PKHD1: variants seen among roughly 807,000 people sequenced by gnomAD.
The protein encoded by PKHD1 is PKHD1 ciliary IPT domain containing fibrocystin/polyductin.
PKHD1 carries 291 observed loss-of-function variants against 412.0 expected under a neutral mutation model. The ratio of observed to expected loss-of-function variants is 0.71; its 90% CI spans 0.64 to 0.78. The LOEUF is 0.78. PKHD1 is among the 30% of genes least tolerant of loss of function. PKHD1 has a pLI of 0.00. For missense variants in PKHD1, 4,825 were observed against 4,950.7 expected, an observed-to-expected ratio of 0.97 and a Z score of 0.76; for synonymous variants, 1,777 against 1,821.5, an observed-to-expected ratio of 0.98 and a Z score of 0.62.
intron 39 of PKHD1, 90 bp from the exon 40 acceptor site, chr6:51,909,564 G>A (rs769877220): frequency 6.6e-5 from 62 of 942,106 alleles, no homozygotes; most frequent in Middle Eastern, 4.2e-4. Flanking sequence ...TGTCAGCACC[G>A]AGGAAAAACC....
chr6:51,912,612 T>C, intron 37 of PKHD1, 36 bp from the exon 38 acceptor site: 1 of 1,297,138 alleles, frequency 7.7e-7, no homozygotes, highest in Non-Finnish European at 1.1e-6. Flanking sequence ...CCAGATAATT[T>C]AATCATTAAT....
At chr6:51,641,109 C>T (rs925883873) in intron 63 of PKHD1, among the ~76,000 whole-genome samples, 2 of 152,162 alleles carry the variant, frequency 1.3e-5, no homozygotes, top group Non-Finnish European at 2.9e-5. Flanking sequence ...TCAAGAGAAA[C>T]TTTCAATCAC....
chr6:51,658,460 T>C (rs1233825918), intron 61 of PKHD1, among the ~76,000 whole-genome samples: 1 of 152,144 alleles, frequency 6.6e-6, no homozygotes, highest in Non-Finnish European at 1.5e-5. Flanking sequence ...TTTATTTAAG[T>C]TCTACCAAAT....
chr6:51,915,668 A>G (rs1165540406), intron 37 of PKHD1, among the ~76,000 whole-genome samples: 1 of 151,946 alleles, frequency 6.6e-6, no homozygotes, highest in African/African-American at 2.4e-5. Context: ...GGGGTTTTAA[A>G]TGAAAGCCCA....
At chr6:52,030,915 T>C (rs1802945056) in intron 29 of PKHD1, among the ~76,000 whole-genome samples, 1 of 152,162 alleles carries the variant, frequency 6.6e-6, no homozygotes, top group Admixed American at 6.5e-5. Context: ...AACAAGTGGA[T>C]GTGTAAAAGT....
chr6:52,004,057 T>C (rs1798760816), intron 35 of PKHD1, among the ~76,000 whole-genome samples: 2 of 152,200 alleles, frequency 1.3e-5, no homozygotes. Context: ...TAGAAAATCT[T>C]TGCATATTTA....
chr6:52,048,354 C>G, intron 23 of PKHD1, 138 bp downstream of exon 23: 1 of 919,802 alleles, frequency 1.1e-6, no homozygotes, highest in Middle Eastern at 2.2e-4. Flanking sequence ...TTAAGAATGT[C>G]ACTTTCAGAC....
At chr6:51,697,369 AG>A (rs1778926381) in intron 60 of PKHD1, among the ~76,000 whole-genome samples, 1 of 152,186 alleles carries the variant, frequency 6.6e-6, no homozygotes, top group Non-Finnish European at 1.5e-5. Flanking sequence ...CTGATTGGAG[AG>A]GTCTCTTGTG....
rs116813622 is a variant in PKHD1, at chr6:51,872,460, G to T, written c.7351-1821C>A. Reference sequence around the variant, plus strand: ...ATCTCACTCTGTTGCACAGTCTGCAGTGCAGTGGCATGATCTCGGCTCACT... The same window carrying T: ...ATCTCACTCTGTTGCACAGTCTGCATTGCAGTGGCATGATCTCGGCTCACT... On this transcript the variant is annotated intron_variant, in intron 46 of 66. Transcript: ENST00000371117. Among the ~76,000 whole-genome samples the T allele has an allele frequency of 3.3e-3, 495 of 152,020 alleles. 1 individual carries two copies. Among genetic ancestry groups the T allele is most frequent in the African/African-American group, 0.011 (466 of 41,484 alleles).
rs190053205 is a variant in PKHD1, at chr6:51,890,998, G to A, written c.6997-3753C>T. On this transcript the variant is annotated intron_variant, in intron 43 of 66. Coordinates refer to ENST00000371117, the MANE Select transcript of PKHD1 (RefSeq NM_138694.4). ...AGGGCTATGGACTGAATGCAGACAA[G>A]GGTTAGAATTTAATGAGGAAGTTCT... Among the ~76,000 whole-genome samples, 3 of 152,276 alleles carry A rather than the reference G, an allele frequency of 2.0e-5. No individual in the cohort carries two copies. The East Asian group carries it at 5.8e-4, about 29-fold the overall frequency.
At chr6:51,887,277 T>TA in intron 43 of PKHD1, 32 bp from the exon 44 acceptor site, 1 of 1,326,950 alleles carries the variant, frequency 7.5e-7, no homozygotes, top group Admixed American at 1.7e-5. Context: ...AAAAAATAGT[T>TA]ACCCCATGTA....
At chr6:51,657,876 G>A (rs1258105663) in intron 61 of PKHD1, among the ~76,000 whole-genome samples, 3 of 151,996 alleles carry the variant, frequency 2.0e-5, no homozygotes, top group East Asian at 1.9e-4. Context: ...TTGGAATTAC[G>A]ACCTATTAGA....
intron 60 of PKHD1, among the ~76,000 whole-genome samples, chr6:51,719,183 C>A (rs1030065116): frequency 4.6e-5 from 7 of 151,568 alleles, no homozygotes; most frequent in African/African-American, 1.7e-4. Context: ...AAGAGTGTGC[C>A]AAATTAAGAG....
intron 63 of PKHD1, among the ~76,000 whole-genome samples, chr6:51,646,547 A>G (rs994963214): frequency 6.6e-6 from 1 of 152,140 alleles, no homozygotes; most frequent in African/African-American, 2.4e-5. Flanking sequence ...CTGCCTTAAA[A>G]CTGAAATCAA....
intron 50 of PKHD1, among the ~76,000 whole-genome samples, chr6:51,837,795 C>T (rs556152318): frequency 6.6e-6 from 1 of 152,076 alleles, no homozygotes; most frequent in Non-Finnish European, 1.5e-5. Flanking sequence ...CATGATGAGA[C>T]CTCTTCAATT....
At chr6:51,688,377 G>C (rs1282780860) in intron 60 of PKHD1, among the ~76,000 whole-genome samples, 1 of 151,954 alleles carries the variant, frequency 6.6e-6, no homozygotes, top group South Asian at 2.1e-4. Flanking sequence ...CAAAAACTTA[G>C]AAACATCTCA....
intron 46 of PKHD1, among the ~76,000 whole-genome samples, chr6:51,882,656 G>A (rs539800087): frequency 1.3e-5 from 2 of 152,218 alleles, no homozygotes; most frequent in South Asian, 2.1e-4. Context: ...CTTCCCACCC[G>A]GGAGTACTCT....
At chr6:51,896,357 CT>C (rs1351510544) in intron 43 of PKHD1, among the ~76,000 whole-genome samples, 1 of 152,084 alleles carries the variant, frequency 6.6e-6, no homozygotes, top group Non-Finnish European at 1.5e-5. Flanking sequence ...TCCCTGACCC[CT>C]GACCCCCGAG....
At chr6:51,872,012 GA>G (rs61175912) in intron 46 of PKHD1, among the ~76,000 whole-genome samples, 59,492 of 130,414 alleles carry the variant, frequency 0.46, 21,784 homozygotes, top group East Asian at 0.89. Flanking sequence ...ATTATTTTTA[GA>G]AAAAAAAGGA....
Sources: allele counts gnomAD v4.1 joint callset (sites outside exome capture counted in the v4.1 genomes callset), GRCh38; gene constraint gnomAD v4.1.1; transcripts MANE v1.5; gene names NCBI Gene and HGNC (gene_info 2026-07-23, HGNC 2026-07-21).